The following PSMA6 variants were observed in gnomAD, a reference collection of about 807,000 sequenced individuals.
The protein encoded by PSMA6 is proteasome 20S subunit alpha 6.
For missense variants in PSMA6, 170 were observed against 294.8 expected, an observed-to-expected ratio of 0.58 and a Z score of 3.10; for synonymous variants, 88 against 97.7, an observed-to-expected ratio of 0.90 and a Z score of 0.59.
intron 6 of PSMA6, chr14:35,316,379 C>T (rs1178092926): frequency 8.4e-6 from 1 of 118,842 alleles, no homozygotes; most frequent in Middle Eastern, 3.7e-3. Flanking sequence ...GGGTCAGACT[C>T]CATCTCAAAA....
chr14:35,293,852 A>C (rs1002870592), intron 1 of PSMA6, among the ~76,000 whole-genome samples: 7 of 152,238 alleles, frequency 4.6e-5, no homozygotes, highest in African/African-American at 9.6e-5. Flanking sequence ...TGAACAGGAA[A>C]AGTCACTCTG....
chr14:35,302,792 T>TA (rs2051741122), intron 1 of PSMA6, among the ~76,000 whole-genome samples: 3 of 152,340 alleles, frequency 2.0e-5, no homozygotes, highest in African/African-American at 7.2e-5. Flanking sequence ...ATTCTACAGT[T>TA]ACGTCCATTT....
chr14:35,316,396 A>G (rs1242455618), intron 6 of PSMA6: 2 of 151,306 alleles, frequency 1.3e-5, no homozygotes, highest in African/African-American at 4.9e-5. Context: ...AAAAAAAAAA[A>G]AAAAAAAGAG....
chr14:35,287,607 G>A (rs762022280), upstream of PSMA6, among the ~76,000 whole-genome samples: 1 of 152,148 alleles, frequency 6.6e-6, no homozygotes, highest in Non-Finnish European at 1.5e-5. Flanking sequence ...ACCCCCAGGG[G>A]AGAATGTGGG....
At chr14:35,278,753 T>G (rs1226715537) in intron 1 of PSMA6, 23 of 1,528,046 alleles carry the variant, frequency 1.5e-5, no homozygotes, top group African/African-American at 2.8e-5. Flanking sequence ...GCTTGAGATG[T>G]ACTATATTAC....
chr14:35,308,556 T>C (rs2051877257), intron 2 of PSMA6: 1 of 247,130 alleles, frequency 4.0e-6, no homozygotes, highest in Non-Finnish European at 7.8e-6. Flanking sequence ...CTATTGAACG[T>C]CTATATACAG....
chr14:35,280,745 G>T (rs1400558453), intron 1 of PSMA6, among the ~76,000 whole-genome samples: 1 of 151,776 alleles, frequency 6.6e-6, no homozygotes, highest in Non-Finnish European at 1.5e-5. Context: ...TCGAAATGGG[G>T]TCTCACTGTG....
At chr14:35,278,945 A>G (rs138736712) in intron 1 of PSMA6, among the ~76,000 whole-genome samples, 175 of 152,162 alleles carry the variant, frequency 1.2e-3, no homozygotes, top group Middle Eastern at 3.4e-3. Flanking sequence ...TTCTATACAT[A>G]TATACTTATT....
chr14:35,311,064 A>T, intron 4 of PSMA6, 169 bp downstream of exon 4: 9 of 616,074 alleles, frequency 1.5e-5, no homozygotes, highest in Non-Finnish European at 2.4e-5. Flanking sequence ...GTTTCACAAC[A>T]GTATGTCGGG....
chr14:35,300,068 G>A (rs1237934971), intron 1 of PSMA6, among the ~76,000 whole-genome samples: 1 of 152,160 alleles, frequency 6.6e-6, no homozygotes, highest in Non-Finnish European at 1.5e-5. Context: ...AGGGGCTTGA[G>A]TACCATGCTA....
upstream of PSMA6, among the ~76,000 whole-genome samples, chr14:35,288,565 G>A (rs1163078098): frequency 6.6e-6 from 1 of 152,180 alleles, no homozygotes; most frequent in Non-Finnish European, 1.5e-5. Flanking sequence ...CAAGGAGCCT[G>A]ATTTTTAATC....
chr14:35,291,264 C>T (rs948898896), upstream of PSMA6, among the ~76,000 whole-genome samples: 8 of 150,868 alleles, frequency 5.3e-5, no homozygotes, highest in African/African-American at 1.7e-4. Context: ...GTCGCCCAGG[C>T]TGGAGTGCAG....
intron 5 of PSMA6, 99 bp downstream of exon 5, chr14:35,313,158 G>A: frequency 1.8e-6 from 2 of 1,142,102 alleles, no homozygotes; most frequent in Non-Finnish European, 2.4e-6. Context: ...TTACATCCCA[G>A]GATTCAAGTT....
intron 1 of PSMA6, among the ~76,000 whole-genome samples, chr14:35,298,642 C>G (rs1249480370): frequency 6.6e-6 from 1 of 152,124 alleles, no homozygotes; most frequent in Non-Finnish European, 1.5e-5. Flanking sequence ...TGTTTAAGTA[C>G]TGTTGCCAAC....
At chr14:35,287,549 A>T (rs1220075286), upstream of PSMA6, among the ~76,000 whole-genome samples, 1 of 152,118 alleles carries the variant, frequency 6.6e-6, no homozygotes, top group Non-Finnish European at 1.5e-5. Flanking sequence ...CTACACTGCC[A>T]CTTTCTACCT....
At chr14:35,287,262 C>T (rs1366879763) in intron 1 of PSMA6, among the ~76,000 whole-genome samples, 1 of 152,088 alleles carries the variant, frequency 6.6e-6, no homozygotes, top group Non-Finnish European at 1.5e-5. Context: ...CTTTCTTTAC[C>T]CAGAACTGCT....
chr14:35,303,932 C>G (rs1289650759), intron 1 of PSMA6, among the ~76,000 whole-genome samples: 1 of 150,532 alleles, frequency 6.6e-6, no homozygotes, highest in African/African-American at 2.5e-5. Flanking sequence ...TAAACGGAGT[C>G]TCACTCATTG....
intron 1 of PSMA6, among the ~76,000 whole-genome samples, chr14:35,301,792 C>T (rs2138731952): frequency 6.6e-6 from 1 of 152,268 alleles, no homozygotes; most frequent in East Asian, 1.9e-4. Context: ...GGAAGATACT[C>T]TTTTGTGGCT....
chr14:35,295,703 CG>C (rs1312962752), intron 1 of PSMA6, among the ~76,000 whole-genome samples: 7 of 152,176 alleles, frequency 4.6e-5, no homozygotes, highest in African/African-American at 1.7e-4. Flanking sequence ...CCACCCACCT[CG>C]GCCTCCCAAA....
Sources: gnomAD v4.1 joint callset for allele counts (sites outside exome capture counted in the v4.1 genomes callset) on GRCh38, gnomAD v4.1.1 for gene constraint, MANE v1.5 for transcripts, NCBI Gene and HGNC (gene_info 2026-07-23, HGNC 2026-07-21) for gene names.